Variants in CELF2 observed in about 807,000 individuals in gnomAD.
CELF2 encodes the protein CUGBP Elav-like family member 2, also known as CUG triplet repeat RNA-binding protein 2.
Under a neutral mutation model 62.6 loss-of-function variants are expected in CELF2, and 8 were observed. That is an observed-to-expected ratio of 0.13 (90% CI 0.07 to 0.23). The LOEUF is 0.23. Ranked by LOEUF, CELF2 falls within the 10% of genes least tolerant of loss-of-function variation. The pLI, the probability that CELF2 is intolerant of heterozygous loss-of-function variation, is 1.00. For synonymous variants in CELF2, 258 were observed against 250.0 expected (o/e 1.03, Z -0.30); for missense variants, 333 against 671.0 (o/e 0.50, Z 5.56).
At chr10:10,857,563 C>T (rs1267636099) in intron 1 of CELF2, among the ~76,000 whole-genome samples, 1 of 148,360 alleles carries the variant, frequency 6.7e-6, no homozygotes, top group Admixed American at 6.8e-5. Context: ...TCAAACATTA[C>T]TAGATGTACT....
the CELF2 span, among the ~76,000 whole-genome samples, chr10:10,464,231 T>C: frequency 1.3e-5 from 2 of 152,102 alleles, no homozygotes; most frequent in African/African-American, 4.8e-5. Context: ...CAAGAGAAAA[T>C]GCTGTGGAGT....
chr10:10,653,104 T>G, the CELF2 span, among the ~76,000 whole-genome samples: 2 of 151,782 alleles, frequency 1.3e-5, no homozygotes, highest in Admixed American at 1.3e-4. Context: ...CCAACAAACA[T>G]CAAAAGAGAC....
chr10:11,273,266 C>T (rs1338250465), intron 7 of CELF2, among the ~76,000 whole-genome samples: 2 of 152,010 alleles, frequency 1.3e-5, no homozygotes, highest in African/African-American at 4.8e-5. Context: ...CCGGACCGCC[C>T]AGCAGGAGAG....
At chr10:10,615,768 A>G in the CELF2 span, among the ~76,000 whole-genome samples, 4 of 152,216 alleles carry the variant, frequency 2.6e-5, no homozygotes, top group South Asian at 8.3e-4. Context: ...CCATGATTGT[A>G]AGTTTCCTGA....
the CELF2 span, among the ~76,000 whole-genome samples, chr10:10,778,863 T>A: frequency 6.6e-6 from 1 of 152,150 alleles, no homozygotes; most frequent in South Asian, 2.1e-4. Flanking sequence ...TTAAAATTTG[T>A]GCTGGGAGTC....
the CELF2 span, among the ~76,000 whole-genome samples, chr10:10,527,462 A>AG: frequency 6.6e-6 from 1 of 151,496 alleles, no homozygotes; most frequent in Admixed American, 6.6e-5. Flanking sequence ...AAAAAAAAAA[A>AG]GTAACCAGGC....
At chr10:10,472,526 T>A in the CELF2 span, among the ~76,000 whole-genome samples, 2 of 151,960 alleles carry the variant, frequency 1.3e-5, no homozygotes, top group Non-Finnish European at 2.9e-5. Context: ...GTTAAGGTTT[T>A]GTCTGCTAAA....
At chr10:10,733,859 A>T in the CELF2 span, among the ~76,000 whole-genome samples, 3 of 152,232 alleles carry the variant, frequency 2.0e-5, no homozygotes, top group Non-Finnish European at 1.5e-5. Flanking sequence ...GGGTGGGGAC[A>T]GAGCCAAGGA....
At chr10:10,655,719 A>G in the CELF2 span, among the ~76,000 whole-genome samples, 1 of 130,108 alleles carries the variant, frequency 7.7e-6, no homozygotes, top group African/African-American at 2.8e-5. Flanking sequence ...ACAAAAATCA[A>G]TTCAAGATGG....
At chr10:10,628,359 G>C in the CELF2 span, among the ~76,000 whole-genome samples, 1 of 152,088 alleles carries the variant, frequency 6.6e-6, no homozygotes. Context: ...AGAAGGAAGG[G>C]AGAGAAAGAA....
intron 7 of CELF2, among the ~76,000 whole-genome samples, chr10:11,273,324 G>A (rs973163201): frequency 3.3e-5 from 5 of 152,106 alleles, no homozygotes; most frequent in South Asian, 2.1e-4. Context: ...CCTCCCGTCA[G>A]ATCAGCGGCA....
chr10:11,171,302 T>C (rs1437007930), intron 2 of CELF2: 2 of 152,218 alleles, frequency 1.3e-5, no homozygotes, highest in Non-Finnish European at 2.9e-5. Context: ...GGTTAGATGC[T>C]CTTGCTGTTT....
At chr10:10,819,052 A>T (rs1029056621) in intron 1 of CELF2, among the ~76,000 whole-genome samples, 1 of 152,160 alleles carries the variant, frequency 6.6e-6, no homozygotes, top group Non-Finnish European at 1.5e-5. Flanking sequence ...ACTTGGGCTG[A>T]TAGTGATTGC....
chr10:10,519,806 G>A, the CELF2 span, among the ~76,000 whole-genome samples: 1,261 of 152,326 alleles, frequency 8.3e-3, 14 homozygotes, highest in African/African-American at 0.028. Flanking sequence ...CAAAAGGCAC[G>A]TGAGATGGGG....
chr10:11,033,164 T>C (rs544835771), intron 1 of CELF2, among the ~76,000 whole-genome samples: 12 of 152,174 alleles, frequency 7.9e-5, no homozygotes, highest in Admixed American at 3.9e-4. Flanking sequence ...TCATCAAATA[T>C]CACTGTCCAG....
At chr10:10,871,657 A>G (rs577057200) in intron 1 of CELF2, among the ~76,000 whole-genome samples, 5 of 152,230 alleles carry the variant, frequency 3.3e-5, no homozygotes, top group African/African-American at 9.6e-5. Flanking sequence ...AGAAATCCCA[A>G]TTCAGGCATT....
chr10:10,497,954 CA>C, the CELF2 span, among the ~76,000 whole-genome samples: 1 of 152,002 alleles, frequency 6.6e-6, no homozygotes, highest in African/African-American at 2.4e-5. Context: ...CAGAACAGAC[CA>C]AAAGGAGACT....
At chr10:10,609,145 A>G in the CELF2 span, among the ~76,000 whole-genome samples, 1 of 152,202 alleles carries the variant, frequency 6.6e-6, no homozygotes, top group Non-Finnish European at 1.5e-5. Context: ...GTACTGTGTC[A>G]TGCCTATATT....
chr10:11,128,732 C>G (rs1037564725), intron 1 of CELF2, among the ~76,000 whole-genome samples: 10 of 152,102 alleles, frequency 6.6e-5, no homozygotes, highest in African/African-American at 2.4e-4. Context: ...GATTTTGTAT[C>G]CCGAGACTTT....
Sources: allele counts gnomAD v4.1 joint callset (sites outside exome capture counted in the v4.1 genomes callset), GRCh38; gene constraint gnomAD v4.1.1; transcripts MANE v1.5; gene names NCBI Gene and HGNC (gene_info 2026-07-23, HGNC 2026-07-21).